Variants in NXPE4 observed in about 807,000 individuals in gnomAD.
NXPE4 encodes the protein NXPE family member 4.
Under a neutral mutation model 33.3 loss-of-function variants are expected in NXPE4, and 42 were observed. The ratio of observed to expected loss-of-function variants is 1.26; its 90% CI spans 0.98 to 1.63. The LOEUF is 1.63. NXPE4 is among the 40% of genes most tolerant of loss of function. The probability of loss-of-function intolerance (pLI) is 0.00; values close to 1 mark genes in which losing one functional copy is unlikely to be tolerated. For missense variants in NXPE4, 709 were observed against 647.6 expected (o/e 1.09, Z -1.03); for synonymous variants, 253 against 234.9 (o/e 1.08, Z -0.71).
the NXPE4 span, among the ~76,000 whole-genome samples, chr11:114,663,460 G>A: frequency 6.6e-6 from 1 of 152,088 alleles, no homozygotes; most frequent in Non-Finnish European, 1.5e-5. Context: ...GAAGGACATG[G>A]TGGTGTCTAA....
the NXPE4 span, among the ~76,000 whole-genome samples, chr11:114,678,140 CT>C: frequency 6.6e-6 from 1 of 152,070 alleles, no homozygotes; most frequent in Non-Finnish European, 1.5e-5. Flanking sequence ...ATTCTCAGGC[CT>C]TCAGGAACCG....
At chr11:114,581,432 G>T (rs1029890044) in intron 4 of NXPE4, among the ~76,000 whole-genome samples, 1 of 152,134 alleles carries the variant, frequency 6.6e-6, no homozygotes, top group African/African-American at 2.4e-5. Flanking sequence ...AAAGAAGTGG[G>T]TATAGAATTG....
chr11:114,596,143 C>A (rs1050017828), upstream of NXPE4, among the ~76,000 whole-genome samples: 1 of 152,142 alleles, frequency 6.6e-6, no homozygotes, highest in Non-Finnish European at 1.5e-5. Flanking sequence ...GATTCAAGTG[C>A]GTATTATCTC....
At chr11:114,602,658 TATA>T in the NXPE4 span, among the ~76,000 whole-genome samples, 13 of 142,114 alleles carry the variant, frequency 9.1e-5, no homozygotes, top group East Asian at 1.0e-3. Flanking sequence ...TTTTCTCATA[TATA>T]ATAATTACAG....
chr11:114,576,990 TAC>T (rs1242485333), intron 5 of NXPE4, among the ~76,000 whole-genome samples: 2 of 100,380 alleles, frequency 2.0e-5, no homozygotes, highest in Non-Finnish European at 3.7e-5. Context: ...TATATATATA[TAC>T]ATATATATAT....
the NXPE4 span, among the ~76,000 whole-genome samples, chr11:114,639,908 AAATAT>A: frequency 8.7e-6 from 1 of 114,982 alleles, no homozygotes; most frequent in African/African-American, 3.6e-5. Flanking sequence ...ATTAAATATA[AAATAT>A]AATATTATAT....
At chr11:114,595,910 T>A (rs966779005), upstream of NXPE4, 3 of 152,282 alleles carry the variant, frequency 2.0e-5, no homozygotes, top group African/African-American at 7.2e-5. Flanking sequence ...TTCAAATTCC[T>A]GAAGTTTTAT....
At chr11:114,605,167 G>T in the NXPE4 span, among the ~76,000 whole-genome samples, 11 of 151,262 alleles carry the variant, frequency 7.3e-5, no homozygotes, top group African/African-American at 2.7e-4. Flanking sequence ...GATAATAAGT[G>T]TTGCCTTGTG....
Position 114,582,681 on chromosome 11 carries a change from G to C in NXPE4, c.437C>G (p.Ala146Gly), listed in dbSNP as rs200548586. 6.2e-7 allele frequency: 1 copy of C among 1,614,006 alleles called. No homozygotes were observed. The highest frequency in any genetic ancestry group is 2.2e-5 in the East Asian group (1 of 44,886). The part of the protein sequence containing the change: ...DFLRARMSSP[A>G]LMAGASGKVT... ...CTTTCCTGAAGCACCTGCCATCAGC[G>C]CTGGGGAAGACATCCTGGCCCTCAG... is the stretch of plus-strand genomic sequence containing the variant. The change falls in exon 3 of 6, where the codon GCG becomes GGG. Residue 146 changes from alanine to glycine, a missense_variant. Ala to Gly is a moderately conservative substitution (Grantham distance 60). Transcript: ENST00000375478.
the NXPE4 span, among the ~76,000 whole-genome samples, chr11:114,653,450 C>T: frequency 6.6e-6 from 1 of 151,578 alleles, no homozygotes; most frequent in Non-Finnish European, 1.5e-5. Context: ...CAGAAGGCAG[C>T]TTTGAAAATA....
the NXPE4 span, among the ~76,000 whole-genome samples, chr11:114,642,322 C>T: frequency 6.6e-6 from 1 of 152,000 alleles, no homozygotes; most frequent in South Asian, 2.1e-4. Context: ...TTGTAGTTCT[C>T]CACATGTGCA....
the NXPE4 span, among the ~76,000 whole-genome samples, chr11:114,624,364 G>T: frequency 1.3e-5 from 2 of 152,026 alleles, no homozygotes; most frequent in Non-Finnish European, 2.9e-5. Flanking sequence ...TTGCCCCAGG[G>T]TAACCACTGT....
intron 2 of NXPE4, among the ~76,000 whole-genome samples, chr11:114,591,196 G>A (rs1457890010): frequency 6.6e-6 from 1 of 152,212 alleles, no homozygotes; most frequent in Admixed American, 6.5e-5. Flanking sequence ...AGGCACAAGT[G>A]CTCAACTAGC....
the NXPE4 span, among the ~76,000 whole-genome samples, chr11:114,630,697 T>G: frequency 2.7e-5 from 4 of 150,886 alleles, no homozygotes; most frequent in South Asian, 2.1e-4. Flanking sequence ...CTAAAGAGCT[T>G]CTGCACAGCA....
At chr11:114,601,437 T>G in the NXPE4 span, among the ~76,000 whole-genome samples, 2 of 129,388 alleles carry the variant, frequency 1.5e-5, no homozygotes, top group Non-Finnish European at 3.1e-5. Flanking sequence ...CTTTTTAAAT[T>G]TATGTATATA....
At chr11:114,607,310 G>A in the NXPE4 span, among the ~76,000 whole-genome samples, 1 of 150,984 alleles carries the variant, frequency 6.6e-6, no homozygotes, top group East Asian at 2.0e-4. Flanking sequence ...TTGCCTCGTG[G>A]GTCACCATTG....
the NXPE4 span, among the ~76,000 whole-genome samples, chr11:114,631,446 T>A: frequency 2.1e-5 from 3 of 145,270 alleles, no homozygotes; most frequent in South Asian, 6.5e-4. Flanking sequence ...CACTGCATAT[T>A]CTCACTCATA....
At chr11:114,609,866 C>A in the NXPE4 span, among the ~76,000 whole-genome samples, 1 of 151,754 alleles carries the variant, frequency 6.6e-6, no homozygotes, top group Admixed American at 6.6e-5. Flanking sequence ...TCGCGGGTAA[C>A]CACTCTTACC....
intron 2 of NXPE4, chr11:114,583,457 A>G (rs1332669882): frequency 3.0e-6 from 2 of 665,784 alleles, no homozygotes; most frequent in Non-Finnish European, 2.8e-6. Flanking sequence ...CAAGTACCAC[A>G]GTGATGACTA....
Sources: gnomAD v4.1 joint callset for allele counts (sites outside exome capture counted in the v4.1 genomes callset) on GRCh38, gnomAD v4.1.1 for gene constraint, MANE v1.5 for transcripts, NCBI Gene and HGNC (gene_info 2026-07-23, HGNC 2026-07-21) for gene names.